Variants in NHERF1 observed in about 807,000 individuals in gnomAD.
The protein encoded by NHERF1 is Na(+)/H(+) exchange regulatory cofactor NHE-RF1.
the NHERF1 span, among the ~76,000 whole-genome samples, chr17:74,766,145 T>A: frequency 1.3e-5 from 2 of 152,148 alleles, no homozygotes; most frequent in Non-Finnish European, 2.9e-5. Flanking sequence ...CCTCATAAGA[T>A]CAATTTAGTA....
At chr17:74,753,069 C>G in the NHERF1 span, among the ~76,000 whole-genome samples, 344 of 152,280 alleles carry the variant, frequency 2.3e-3, 2 homozygotes, top group African/African-American at 7.9e-3. Flanking sequence ...TATTTGAAAA[C>G]TAGAAAGCCA....
the NHERF1 span, chr17:74,768,470 G>A: frequency 2.5e-6 from 4 of 1,614,032 alleles, no homozygotes; most frequent in South Asian, 4.4e-5. Flanking sequence ...CTTTACAGCT[G>A]AATTCCCAAG....
chr17:74,759,424 G>C, the NHERF1 span, among the ~76,000 whole-genome samples: 1 of 152,200 alleles, frequency 6.6e-6, no homozygotes, highest in Admixed American at 6.5e-5. Flanking sequence ...ATCAGTAAGG[G>C]AAGCCCACAG....
At chr17:74,755,267 C>T in the NHERF1 span, among the ~76,000 whole-genome samples, 1 of 152,214 alleles carries the variant, frequency 6.6e-6, no homozygotes, top group South Asian at 2.1e-4. Flanking sequence ...GGCATCCTTG[C>T]AGTGCCTCAG....
the NHERF1 span, chr17:74,749,328 A>T: frequency 6.7e-7 from 1 of 1,502,644 alleles, no homozygotes; most frequent in East Asian, 2.5e-5. The surrounding 1 kb of genome is among the most constrained non-coding windows in gnomAD (Gnocchi z 5.6). Context: ...ATGGAGTGGG[A>T]GGAGGATCCG....
At chr17:74,763,283 C>T in the NHERF1 span, 3 of 1,373,674 alleles carry the variant, frequency 2.2e-6, no homozygotes, top group Non-Finnish European at 3.0e-6. Flanking sequence ...CCAAGGTGGT[C>T]ACCCCTGCCC....
chr17:74,750,012 G>A, the NHERF1 span, among the ~76,000 whole-genome samples: 1 of 152,200 alleles, frequency 6.6e-6, no homozygotes, highest in Non-Finnish European at 1.5e-5. Flanking sequence ...TAAGCGCCTA[G>A]AACTGTATCT....
the NHERF1 span, chr17:74,768,000 C>G: frequency 1.3e-6 from 1 of 765,280 alleles, no homozygotes; most frequent in Non-Finnish European, 2.4e-6. Context: ...CCAGCAGGCT[C>G]AGGAGGTGGG....
chr17:74,759,092 G>A, the NHERF1 span, among the ~76,000 whole-genome samples: 1 of 152,222 alleles, frequency 6.6e-6, no homozygotes, highest in Admixed American at 6.5e-5. Context: ...GTGAGGGGAG[G>A]AAGTCTCTAG....
At chr17:74,763,600 G>A in the NHERF1 span, 2 of 1,448,818 alleles carry the variant, frequency 1.4e-6, no homozygotes, top group Non-Finnish European at 1.9e-6. Flanking sequence ...AAGACTGCTG[G>A]GTCCCAGGCG....
chr17:74,758,307 C>G, the NHERF1 span, among the ~76,000 whole-genome samples: 5 of 152,186 alleles, frequency 3.3e-5, no homozygotes, highest in African/African-American at 1.2e-4. The surrounding 1 kb of genome is among the most constrained non-coding windows in gnomAD (Gnocchi z 4.3). Flanking sequence ...GGGGAAAGGA[C>G]AGATGAAGGG....
At chr17:74,757,078 G>C in the NHERF1 span, among the ~76,000 whole-genome samples, 31 of 152,280 alleles carry the variant, frequency 2.0e-4, no homozygotes, top group Non-Finnish European at 3.7e-4. Context: ...CTCCATCCCA[G>C]GCTTGCCCAG....
chr17:74,750,958 C>G, the NHERF1 span, among the ~76,000 whole-genome samples: 4 of 152,194 alleles, frequency 2.6e-5, no homozygotes, highest in East Asian at 7.7e-4. Context: ...GGAGGGACAC[C>G]TACATTTGTG....
the NHERF1 span, among the ~76,000 whole-genome samples, chr17:74,756,180 C>A: frequency 6.6e-6 from 1 of 151,552 alleles, no homozygotes; most frequent in African/African-American, 2.4e-5. Context: ...AACTCCTGTG[C>A]TCAAGTGATC....
chr17:74,768,607 C>A, the NHERF1 span: 1 of 1,614,142 alleles, frequency 6.2e-7, no homozygotes, highest in Non-Finnish European at 8.5e-7. Context: ...AGCAAACGGG[C>A]CCCGCAGATG....
At chr17:74,756,461 T>C in the NHERF1 span, among the ~76,000 whole-genome samples, 1 of 151,666 alleles carries the variant, frequency 6.6e-6, no homozygotes, top group Admixed American at 6.6e-5. Context: ...ATATTTTTAG[T>C]TGAGACAGGG....
At chr17:74,755,781 G>T in the NHERF1 span, among the ~76,000 whole-genome samples, 2 of 152,180 alleles carry the variant, frequency 1.3e-5, no homozygotes, top group Admixed American at 6.5e-5. Context: ...CACTCGAGAT[G>T]TGCTGGTCCA....
chr17:74,761,876 T>C, the NHERF1 span: 2 of 808,350 alleles, frequency 2.5e-6, no homozygotes, highest in Non-Finnish European at 2.1e-6. The surrounding 1 kb of genome is among the most constrained non-coding windows in gnomAD (Gnocchi z 4.3). Context: ...CCCTCTCAAA[T>C]TGCTGTGTAG....
chr17:74,750,571 C>T, the NHERF1 span, among the ~76,000 whole-genome samples: 1 of 152,200 alleles, frequency 6.6e-6, no homozygotes, highest in Non-Finnish European at 1.5e-5. Context: ...CTTCCTGCCC[C>T]TGCCAAGCTG....
Sources: gnomAD v4.1 joint callset for allele counts (sites outside exome capture counted in the v4.1 genomes callset) on GRCh38, gnomAD v4.1.1 for gene constraint, Gnocchi (gnomAD v3.1) non-coding constraint, MANE v1.5 for transcripts, NCBI Gene and HGNC (gene_info 2026-07-23, HGNC 2026-07-21) for gene names.